Variants in CBLN2 observed in about 807,000 individuals in gnomAD.
CBLN2 encodes cerebellin 2 precursor, also known as cerebellin-2.
CBLN2 carries 7 observed loss-of-function variants against 15.0 expected under a neutral mutation model. The ratio of observed to expected loss-of-function variants is 0.47; its 90% CI spans 0.27 to 0.88. CBLN2 has a LOEUF of 0.88. CBLN2 is among the 40% of genes least tolerant of loss of function. CBLN2 has a pLI of 0.14. For synonymous variants in CBLN2, 149 were observed against 135.2 expected (o/e 1.10, Z -0.71); for missense variants, 242 against 304.5 (o/e 0.79, Z 1.53).
intron 1 of CBLN2, among the ~76,000 whole-genome samples, chr18:72,563,946 T>C (rs1398813321): frequency 6.6e-6 from 1 of 152,220 alleles, no homozygotes; most frequent in Non-Finnish European, 1.5e-5. Context: ...TCTATGAATG[T>C]CATTCTATGA....
At chr18:72,587,822 C>T (rs1354201111) in intron 1 of CBLN2, among the ~76,000 whole-genome samples, 2 of 152,184 alleles carry the variant, frequency 1.3e-5, no homozygotes, top group East Asian at 1.9e-4. Context: ...ACTTCTACTT[C>T]TGTATTATAT....
At chr18:72,607,634 C>G (rs2069591699) in intron 1 of CBLN2, among the ~76,000 whole-genome samples, 1 of 152,038 alleles carries the variant, frequency 6.6e-6, no homozygotes, top group African/African-American at 2.4e-5. Context: ...TATCACCAAA[C>G]TGAAGCGCTA....
chr18:72,602,517 G>A (rs1176688036), intron 1 of CBLN2, among the ~76,000 whole-genome samples: 6 of 152,032 alleles, frequency 3.9e-5, no homozygotes, highest in South Asian at 4.2e-4. Context: ...ATGAAAACAC[G>A]CTGTGATAGT....
intron 1 of CBLN2, among the ~76,000 whole-genome samples, chr18:72,570,598 A>AT (rs201563068): frequency 2.5e-4 from 37 of 151,018 alleles, no homozygotes; most frequent in Middle Eastern, 3.4e-3. Context: ...TAACACATGC[A>AT]TTTTTTTTTC....
chr18:72,635,977 T>G (rs2069809669), intron 1 of CBLN2, among the ~76,000 whole-genome samples: 1 of 152,172 alleles, frequency 6.6e-6, no homozygotes, highest in South Asian at 2.1e-4. Flanking sequence ...GGGAGATACA[T>G]CAATTTACCC....
chr18:72,594,622 G>C (rs2069501358), intron 1 of CBLN2, among the ~76,000 whole-genome samples: 1 of 151,980 alleles, frequency 6.6e-6, no homozygotes, highest in Non-Finnish European at 1.5e-5. Context: ...TAGTTCTTTA[G>C]ATGTTTGGTA....
At chr18:72,573,291 G>A (rs187423086) in intron 1 of CBLN2, among the ~76,000 whole-genome samples, 5 of 152,228 alleles carry the variant, frequency 3.3e-5, no homozygotes, top group East Asian at 3.9e-4. Flanking sequence ...GAAGGTAGAC[G>A]TATCTATCAC....
At chr18:72,602,660 T>C (rs967518273) in intron 1 of CBLN2, among the ~76,000 whole-genome samples, 1 of 152,136 alleles carries the variant, frequency 6.6e-6, no homozygotes, top group African/African-American at 2.4e-5. Context: ...GAGATTTTCC[T>C]AGATAATCTG....
rs900616251 is a variant in CBLN2 at position 72,538,086 on chromosome 18, G to T, written c.*90C>A. On this transcript the variant is annotated 3_prime_UTR_variant, in exon 5 of 5. Transcript: ENST00000269503. ...ACAGTCTGACGGAGGTTGGAAACAA[G>T]GTGTCCAATTCCAGTAAGTTCAGGG... 8.0e-7 allele frequency: 1 copy of T among 1,257,404 alleles called. No individual in the cohort carries two copies. The highest frequency in any genetic ancestry group is 1.8e-5 in the Admixed American group (1 of 56,348). 77.9% of individuals were successfully genotyped at this position (1,257,404 alleles called of 1,614,324 possible). A position where few individuals can be genotyped will look rare whatever the true frequency, so the allele number is the denominator to read the frequency against.
intron 1 of CBLN2, among the ~76,000 whole-genome samples, chr18:72,593,521 C>T (rs2069493863): frequency 6.6e-6 from 1 of 152,148 alleles, no homozygotes; most frequent in Admixed American, 6.5e-5. Flanking sequence ...TGTGTGATTG[C>T]TGTAGGTGGG....
intron 1 of CBLN2, among the ~76,000 whole-genome samples, chr18:72,565,498 A>G (rs577152553): frequency 6.6e-6 from 1 of 152,288 alleles, no homozygotes; most frequent in East Asian, 1.9e-4. Context: ...TAAATAAATG[A>G]AAATTATAAA....
intron 1 of CBLN2, among the ~76,000 whole-genome samples, chr18:72,610,260 G>A (rs189114216): frequency 6.6e-6 from 1 of 152,120 alleles, no homozygotes; most frequent in African/African-American, 2.4e-5. Flanking sequence ...TCAACACCAA[G>A]CACACTCCAT....
chr18:72,584,125 G>T lies in CBLN2; in HGVS notation c.16-45353C>A, dbSNP rs1386935326. Among the ~76,000 whole-genome samples, 4 of 152,184 alleles carry T rather than the reference G, an allele frequency of 2.6e-5. No homozygotes were observed. In the East Asian group the frequency reaches 7.8e-4, roughly 30 times the overall value. ...CTGCAGACAGAAGGGCACACGCATT[G>T]CCTGTGCCTAGGTCACTTGTCCTGC... On this transcript the variant is annotated intron_variant, in intron 1 of 2. Coordinates refer to the CBLN2 transcript ENST00000581073.
chr18:72,546,903 A>G (rs2069161829), upstream of CBLN2, among the ~76,000 whole-genome samples: 1 of 152,106 alleles, frequency 6.6e-6, no homozygotes, highest in African/African-American at 2.4e-5. Context: ...TTTGGGTATA[A>G]CCTATCTCTG....
At chr18:72,631,339 C>T (rs2069775033) in intron 1 of CBLN2, among the ~76,000 whole-genome samples, 1 of 151,820 alleles carries the variant, frequency 6.6e-6, no homozygotes, top group South Asian at 2.1e-4. Context: ...ATTATATGGT[C>T]CCAATTTGAC....
intron 3 of CBLN2, 120 bp downstream of exon 3, chr18:72,541,684 C>T: frequency 1.5e-6 from 1 of 687,412 alleles, no homozygotes; most frequent in Non-Finnish European, 2.3e-6. Flanking sequence ...ACTAGCAGGG[C>T]AGAGGGGGAG....
chr18:72,608,316 G>A (rs974006366), intron 1 of CBLN2, among the ~76,000 whole-genome samples: 1 of 152,116 alleles, frequency 6.6e-6, no homozygotes, highest in Non-Finnish European at 1.5e-5. Flanking sequence ...AGAGTCAGAA[G>A]TTCCTGTCTT....
chr18:72,602,744 C>G (rs992230384), intron 1 of CBLN2, among the ~76,000 whole-genome samples: 4 of 152,162 alleles, frequency 2.6e-5, no homozygotes, highest in African/African-American at 9.7e-5. Flanking sequence ...AAAATTAGTC[C>G]TGGAGACAGC....
At chr18:72,592,413 A>G (rs955505237) in intron 1 of CBLN2, among the ~76,000 whole-genome samples, 1 of 152,016 alleles carries the variant, frequency 6.6e-6, no homozygotes, top group African/African-American at 2.4e-5. Context: ...CACTTATCAG[A>G]TGAATAGTTT....
Sources: allele counts gnomAD v4.1 joint callset (sites outside exome capture counted in the v4.1 genomes callset), GRCh38; gene constraint gnomAD v4.1.1; transcripts MANE v1.5; gene names NCBI Gene and HGNC (gene_info 2026-07-23, HGNC 2026-07-21).